The following DMPK variants were observed in gnomAD, a reference collection of about 807,000 sequenced individuals.
DMPK encodes myotonin-protein kinase.
DMPK carries 32 observed loss-of-function variants against 70.3 expected under a neutral mutation model. That is an observed-to-expected ratio of 0.46 (90% CI 0.34 to 0.61). DMPK has a LOEUF of 0.61. Ranked by LOEUF, DMPK falls within the 20% of genes least tolerant of loss-of-function variation. DMPK has a pLI of 0.01. For synonymous variants in DMPK, 469 were observed against 390.9 expected, an observed-to-expected ratio of 1.20 and a Z score of -2.36; for missense variants, 899 against 886.0, an observed-to-expected ratio of 1.01 and a Z score of -0.19.
intron 9 of DMPK, among the ~76,000 whole-genome samples, chr19:45,773,430 T>C (rs776234804): frequency 1.8e-4 from 27 of 152,074 alleles, no homozygotes; most frequent in Admixed American, 6.6e-4. Context: ...TGTTGTCCAG[T>C]AATAAAAGCT....
At chr19:45,779,588 C>T (rs1406359088) in intron 2 of DMPK, 66 bp from the exon 3 acceptor site, 4 of 1,599,260 alleles carry the variant, frequency 2.5e-6, no homozygotes, top group East Asian at 2.2e-5. Flanking sequence ...CCAGACCCAA[C>T]TCCACCCGCT....
In DMPK at chr19:45,777,883, AAGG is replaced by A; in HGVS notation, c.676-13_676-11del. ...CCACCAGCGACCGCACCTGGACCAAAAGGAGCAGAGCGAGGCTTGGGCCCACCC... is the reference window on the plus strand; with the variant it reads ...CCACCAGCGACCGCACCTGGACCAAAAGCAGAGCGAGGCTTGGGCCCACCC... On this transcript the variant is annotated splice_polypyrimidine_tract_variant and intron_variant, in intron 6 of 14. Coordinates refer to ENST00000291270, the MANE Select transcript of DMPK (RefSeq NM_004409.5). This position sits in a 1 kb window ranked among gnomAD's most constrained non-coding sequence, Gnocchi z 6.7. The A allele has an allele frequency of 1.2e-6, 2 of 1,603,330 alleles. No homozygotes were observed. The highest frequency in any genetic ancestry group is 1.7e-6 in the Non-Finnish European group (2 of 1,177,400).
In DMPK at chr19:45,770,425, T is replaced by G. The variant is rs1568570268; in HGVS notation, c.*63A>C. 6.5e-7 allele frequency: 1 copy of G among 1,532,600 alleles called. No individual in the cohort carries two copies. Among genetic ancestry groups the G allele is most frequent in the Non-Finnish European group, 8.8e-7 (1 of 1,132,626 alleles). 94.9% of individuals were successfully genotyped at this position (1,532,600 alleles called of 1,614,324 possible). A position where few individuals can be genotyped will look rare whatever the true frequency, so the allele number is the denominator to read the frequency against. ...ACTGGCAGGCGGTGGGCGCGGCTTCTGTGCCGTGCCCCGGGCACTCAGTCT... is the reference window on the plus strand; with the variant it reads ...ACTGGCAGGCGGTGGGCGCGGCTTCGGTGCCGTGCCCCGGGCACTCAGTCT... On this transcript the variant is annotated 3_prime_UTR_variant, in exon 15 of 15. Transcript: ENST00000291270.
Position 45,770,459 on chromosome 19 carries a change from G to T in DMPK, c.*29C>A, listed in dbSNP as rs1056587328. ...CCCCGGGCACTCAGTCTTCCAACGG[G>T]GCCCCGGAGTCGAAGACAGTTCTAG... On this transcript the variant is annotated 3_prime_UTR_variant, in exon 15 of 15. Transcript: ENST00000291270. 4.5e-6 allele frequency: 7 copies of T among 1,549,044 alleles called. No individual in the cohort carries two copies. Among genetic ancestry groups the T allele is most frequent in the Non-Finnish European group, 5.2e-6 (6 of 1,146,674 alleles).
chr19:45,773,660 A>G (rs1969605758), intron 9 of DMPK, among the ~76,000 whole-genome samples: 1 of 152,166 alleles, frequency 6.6e-6, no homozygotes, highest in Non-Finnish European at 1.5e-5. Context: ...TGTAATTAAT[A>G]CTTTTGTTGA....
In DMPK at chr19:45,772,726, G is replaced by C. The variant is rs777469471; in HGVS notation, c.1259C>G (p.Pro420Arg). Residue 420 changes from proline (P) to arginine (R), a missense_variant, in exon 10 of 15, where the codon CCC becomes CGC. Transcript: ENST00000291270. ...LRDSEVPGPT[P>R]MELEAEQLLE... The stretch of plus-strand genomic sequence containing the variant: ...CAGCTGCTCGGCCTCCAGTTCCATG[G>C]GTGTGGGGCCTGGGACCTCACTGTC... 1 of 1,510,448 alleles carries C rather than the reference G, an allele frequency of 6.6e-7. No individual in the cohort carries two copies. The highest frequency in any genetic ancestry group is 8.8e-7 in the Non-Finnish European group (1 of 1,141,424). 93.6% of individuals were successfully genotyped at this position (1,510,448 alleles called of 1,614,324 possible).
At chr19:45,780,726 G>A (rs1305178805) in intron 1 of DMPK, 1 of 629,046 alleles carries the variant, frequency 1.6e-6, no homozygotes, top group East Asian at 1.4e-4. Flanking sequence ...CTGGAGGAAA[G>A]AGAGGGGTTC....
intron 9 of DMPK, among the ~76,000 whole-genome samples, chr19:45,774,652 A>G (rs550980476): frequency 6.6e-6 from 1 of 152,322 alleles, no homozygotes; most frequent in East Asian, 1.9e-4. Context: ...TCTAAACTTC[A>G]TATTTTCCAA....
chr19:45,773,560 C>CCA (rs1969601174), intron 9 of DMPK, among the ~76,000 whole-genome samples: 1 of 152,200 alleles, frequency 6.6e-6, no homozygotes, highest in South Asian at 2.1e-4. Context: ...GAGCCAGGGA[C>CCA]CACTGCCATC....
chr19:45,770,491 G>A lies in DMPK; in HGVS notation c.1887C>T (p.Pro629=). ...GAGTCGAAGACAGTTCTAGGGTTCA[G>A]GGAGCGCGGGCGGCTCCTGGGCGGC... The part of the protein sequence containing the change: ...VWRRPGAARA[P] The change falls in exon 15 of 15, where the codon CCC becomes CCT. Residue 629 remains proline (P), a synonymous_variant. Transcript: ENST00000291270. The A allele has an allele frequency of 1.3e-6, 2 of 1,550,344 alleles. No homozygotes were observed. Among genetic ancestry groups the A allele is most frequent in the African/African-American group, 1.4e-5 (1 of 73,176 alleles).
chr19:45,771,272 A>G, intron 13 of DMPK, 78 bp downstream of exon 13: 2 of 1,523,540 alleles, frequency 1.3e-6, no homozygotes, highest in South Asian at 2.6e-5. Flanking sequence ...CTATATCTGG[A>G]CGGGGAGACC....
At chr19:45,780,139 G>T (rs1296968481) in intron 1 of DMPK, 1 of 1,438,974 alleles carries the variant, frequency 6.9e-7, no homozygotes, top group African/African-American at 1.4e-5. Context: ...GATGGTTAGG[G>T]TGGGGTAACG....
chr19:45,770,475 A>G lies in DMPK; in HGVS notation c.*13T>C. The G allele has an allele frequency of 6.5e-7, 1 of 1,550,004 alleles. No homozygotes were observed. The highest frequency in any genetic ancestry group is 8.7e-7 in the Non-Finnish European group (1 of 1,146,774). ...TTCCAACGGGGCCCCGGAGTCGAAG[A>G]CAGTTCTAGGGTTCAGGGAGCGCGG... On this transcript the variant is annotated 3_prime_UTR_variant, in exon 15 of 15. Coordinates refer to ENST00000291270, the MANE Select transcript of DMPK (RefSeq NM_004409.5).
intron 8 of DMPK, among the ~76,000 whole-genome samples, chr19:45,775,834 T>C (rs1969745738): frequency 1.1e-5 from 1 of 94,030 alleles, no homozygotes; most frequent in Non-Finnish European, 2.3e-5. Context: ...TTTTTTTTTT[T>C]TTTTGAGACA....
intron 8 of DMPK, 103 bp from the exon 9 acceptor site, chr19:45,775,137 G>A (rs753850894): frequency 3.4e-6 from 3 of 873,072 alleles, no homozygotes; most frequent in Non-Finnish European, 5.5e-6. Context: ...CCAACTCAGG[G>A]CTTATCTAAA....
intron 13 of DMPK, 136 bp from the exon 14 acceptor site, chr19:45,771,196 G>C: frequency 1.6e-6 from 2 of 1,212,240 alleles, no homozygotes; most frequent in Non-Finnish European, 2.3e-6. Flanking sequence ...AGGCCTGAAC[G>C]GAGGGAGATC....
chr19:45,770,177 G>C lies in DMPK; in HGVS notation c.*311C>G, dbSNP rs1969250948. ...TCCACGTCAGGGCCTCAGCCTGGCC[G>C]AAAGAAAGAAATGGTCTGTGATCCC... On this transcript the variant is annotated 3_prime_UTR_variant, in exon 15 of 15. Transcript: ENST00000291270. The C allele has an allele frequency of 1.5e-6, 1 of 678,172 alleles. No homozygotes were observed. Among genetic ancestry groups the C allele is most frequent in the South Asian group, 1.7e-5 (1 of 57,898 alleles). 42.0% of individuals were successfully genotyped at this position (678,172 alleles called of 1,614,324 possible). A position where few individuals can be genotyped will look rare whatever the true frequency, so the allele number is the denominator to read the frequency against.
At chr19:45,781,747 T>G (rs1257937121) in intron 1 of DMPK, among the ~76,000 whole-genome samples, 2 of 152,134 alleles carry the variant, frequency 1.3e-5, no homozygotes, top group Non-Finnish European at 2.9e-5. Context: ...GCCTGTCGGC[T>G]GCGCCCCTGG....
At chr19:45,779,910 A>T in intron 1 of DMPK, 41 bp from the exon 2 acceptor site, 1 of 1,613,722 alleles carries the variant, frequency 6.2e-7, no homozygotes, top group South Asian at 1.1e-5. Flanking sequence ...GGTCACCAGA[A>T]AGGGCACTGG....
Sources: gnomAD v4.1 joint callset for allele counts (sites outside exome capture counted in the v4.1 genomes callset) on GRCh38, gnomAD v4.1.1 for gene constraint, Gnocchi (gnomAD v3.1) non-coding constraint, MANE v1.5 for transcripts, NCBI Gene and HGNC (gene_info 2026-07-23, HGNC 2026-07-21) for gene names.